Variants in PKHD1 observed in about 807,000 individuals in gnomAD.
PKHD1 encodes the protein fibrocystin.
Under a neutral mutation model 412.0 loss-of-function variants are expected in PKHD1, and 291 were observed. The observed-to-expected ratio is 0.71, with a 90% CI of 0.64 to 0.78. The LOEUF (loss-of-function observed/expected upper bound fraction) is 0.78. Among genes scored for constraint, PKHD1 ranks in the 30% least tolerant of loss-of-function variants. The pLI is 0.00. For synonymous variants in PKHD1, 1,777 were observed against 1,821.5 expected, an observed-to-expected ratio of 0.98 and a Z score of 0.62; for missense variants, 4,825 against 4,950.7, an observed-to-expected ratio of 0.97 and a Z score of 0.76.
At chr6:51,671,162 CT>C (rs1774899690) in intron 60 of PKHD1, among the ~76,000 whole-genome samples, 1 of 152,142 alleles carries the variant, frequency 6.6e-6, no homozygotes, top group Non-Finnish European at 1.5e-5. Context: ...TGGTTCCATT[CT>C]CCCCGTCATT....
rs144064095 is a variant in PKHD1, at chr6:51,645,002, G to A, written c.11398+3029C>T. 8.7e-3 allele frequency among the ~76,000 whole-genome samples: 1,331 copies of A among 152,214 alleles called. 20 individuals carry two copies. Among genetic ancestry groups the A allele is most frequent in the African/African-American group, 0.031 (1,272 of 41,558 alleles). On this transcript the variant is annotated intron_variant, in intron 63 of 66. Coordinates refer to ENST00000371117, the MANE Select transcript of PKHD1 (RefSeq NM_138694.4). ...CAATAAACCGAATTTTTAAAGAGTG[G>A]TAAACACATCCTCAAATTTGCATAA... is the stretch of plus-strand genomic sequence containing the variant.
chr6:52,023,074 CTT>C (rs1316929363), intron 32 of PKHD1, 130 bp from the exon 33 acceptor site: 10 of 1,039,560 alleles, frequency 9.6e-6, no homozygotes, highest in South Asian at 9.5e-5. Flanking sequence ...GCACAACTGG[CTT>C]GAGGTGGCTG....
chr6:51,810,458 A>G (rs1313045747), intron 52 of PKHD1, among the ~76,000 whole-genome samples: 3 of 152,212 alleles, frequency 2.0e-5, no homozygotes, highest in African/African-American at 4.8e-5. Flanking sequence ...ATGCTTCTAT[A>G]AAATAACAGA....
At chr6:51,686,366 C>T (rs978567559) in intron 60 of PKHD1, among the ~76,000 whole-genome samples, 2 of 152,176 alleles carry the variant, frequency 1.3e-5, no homozygotes, top group African/African-American at 4.8e-5. Context: ...GCTCAAGCCA[C>T]TCTGACTTCC....
At chr6:52,057,423 G>GC (rs1562250534) in intron 16 of PKHD1, among the ~76,000 whole-genome samples, 1 of 131,920 alleles carries the variant, frequency 7.6e-6, no homozygotes. Context: ...GTTCTATGCA[G>GC]CTTTTTTTTT....
chr6:51,941,563 C>T (rs946529197), intron 36 of PKHD1, among the ~76,000 whole-genome samples: 3 of 151,464 alleles, frequency 2.0e-5, no homozygotes, highest in Admixed American at 6.6e-5. Context: ...CCCAGCATGG[C>T]CTTTTAAAGC....
intron 63 of PKHD1, among the ~76,000 whole-genome samples, chr6:51,643,603 C>T (rs1372244883): frequency 6.6e-6 from 1 of 152,116 alleles, no homozygotes; most frequent in Non-Finnish European, 1.5e-5. Flanking sequence ...AGCAAGACCT[C>T]AAAGTTTGGT....
rs187038239 is a variant in PKHD1 at position 51,849,492 on chromosome 6, C to A, written c.7912-1522G>T. 2.7e-3 allele frequency among the ~76,000 whole-genome samples: 418 copies of A among 152,292 alleles called. 2 individuals carry two copies. The highest frequency in any genetic ancestry group is 9.6e-3 in the African/African-American group (401 of 41,564). On this transcript the variant is annotated intron_variant, in intron 49 of 66. Transcript: ENST00000371117. ...CATACTGTCTTCCACAATGGTTGAACTAATTTACATTCCCACCAACAGTGT... is the reference window on the plus strand; with the variant it reads ...CATACTGTCTTCCACAATGGTTGAAATAATTTACATTCCCACCAACAGTGT...
In PKHD1 at chr6:51,803,714, T is replaced by A. The variant is rs530442455; in HGVS notation, c.8303-12341A>T. Among the ~76,000 whole-genome samples the A allele has an allele frequency of 3.3e-4, 49 of 149,356 alleles. 1 individual carries two copies. In the South Asian group the frequency reaches 0.01, roughly 31 times the overall value. On this transcript the variant is annotated intron_variant, in intron 52 of 66. Transcript: ENST00000371117. ...GCTCCTACTTCACATAGAGAAGAAA[T>A]TTTTTTTTTGAGACAGAGTTTCACT...
chr6:51,683,653 A>G (rs1217881234), intron 60 of PKHD1, among the ~76,000 whole-genome samples: 2 of 152,072 alleles, frequency 1.3e-5, no homozygotes, highest in African/African-American at 4.8e-5. Context: ...CCTAGGTTTT[A>G]TTCCATCACA....
At chr6:51,989,947 GA>G (rs1796794357) in intron 35 of PKHD1, among the ~76,000 whole-genome samples, 1 of 105,926 alleles carries the variant, frequency 9.4e-6, no homozygotes, top group Admixed American at 9.3e-5. Context: ...AAGGAAGGAA[GA>G]AAGGAAGGAA....
chr6:51,634,973 A>G (rs1336971285), intron 64 of PKHD1, among the ~76,000 whole-genome samples: 2 of 152,144 alleles, frequency 1.3e-5, no homozygotes, highest in South Asian at 2.1e-4. Context: ...CCCAAACTTC[A>G]GTACAATGAG....
intron 35 of PKHD1, among the ~76,000 whole-genome samples, chr6:51,991,422 C>T (rs1797028141): frequency 6.6e-6 from 1 of 152,168 alleles, no homozygotes; most frequent in African/African-American, 2.4e-5. Context: ...AACTCACCTT[C>T]ACCCTTAAAA....
intron 51 of PKHD1, among the ~76,000 whole-genome samples, chr6:51,833,558 A>T (rs1768655064): frequency 6.6e-6 from 1 of 152,188 alleles, no homozygotes; most frequent in African/African-American, 2.4e-5. Context: ...ATCTACTGGG[A>T]GAATCAGAAG....
At chr6:52,033,959 C>A (rs1581860597) in intron 28 of PKHD1, among the ~76,000 whole-genome samples, 1 of 151,738 alleles carries the variant, frequency 6.6e-6, no homozygotes, top group South Asian at 2.1e-4. Flanking sequence ...AGAAACCCCA[C>A]CTCTACTAAA....
Position 51,765,421 on chromosome 6 carries a change from C to G in PKHD1, c.8642+7281G>C, listed in dbSNP as rs138519587. Among the ~76,000 whole-genome samples the G allele has an allele frequency of 1.7e-4, 26 of 152,254 alleles. No individual in the cohort carries two copies. The East Asian group carries it at 4.8e-3, about 28-fold the overall frequency. ...TGACCTCTTATACCTGAACAAGGTCCTGTATGACTTGGCACTTGCCATATC... is the reference window on the plus strand; with the variant it reads ...TGACCTCTTATACCTGAACAAGGTCGTGTATGACTTGGCACTTGCCATATC... On this transcript the variant is annotated intron_variant, in intron 55 of 66. Transcript: ENST00000371117.
intron 6 of PKHD1, among the ~76,000 whole-genome samples, chr6:52,074,276 T>G (rs1379463587): frequency 6.6e-6 from 1 of 152,224 alleles, no homozygotes; most frequent in Non-Finnish European, 1.5e-5. Flanking sequence ...ACTGCACTTG[T>G]GTGTTATTAG....
At chr6:51,763,504 T>C (rs1189734862) in intron 55 of PKHD1, among the ~76,000 whole-genome samples, 3 of 152,148 alleles carry the variant, frequency 2.0e-5, no homozygotes, top group African/African-American at 4.8e-5. Flanking sequence ...CTTTTAATTA[T>C]AATTAAAGTT....
chr6:51,689,544 G>A (rs1777887459), intron 60 of PKHD1, among the ~76,000 whole-genome samples: 1 of 152,200 alleles, frequency 6.6e-6, no homozygotes, highest in African/African-American at 2.4e-5. Context: ...AGGAAGAGAA[G>A]AAAGCAAACT....
Sources: gnomAD v4.1 joint callset for allele counts (sites outside exome capture counted in the v4.1 genomes callset) on GRCh38, gnomAD v4.1.1 for gene constraint, MANE v1.5 for transcripts, NCBI Gene and HGNC (gene_info 2026-07-23, HGNC 2026-07-21) for gene names.